The following WWOX variants were observed in gnomAD, a reference collection of about 807,000 sequenced individuals.
WWOX encodes WW domain-containing oxidoreductase.
In WWOX, 69 loss-of-function variants were observed where a neutral mutation model predicts 46.2. The ratio of observed to expected loss-of-function variants is 1.49; its 90% CI spans 1.23 to 1.82. The LOEUF is 1.82. WWOX is among the 40% of genes most tolerant of loss of function. WWOX has a pLI of 0.00. For missense variants in WWOX, 919 were observed against 542.6 expected (o/e 1.69, Z -6.89); for synonymous variants, 359 against 202.6 (o/e 1.77, Z -6.56).
chr16:78,999,468 C>A (rs1234903979), intron 8 of WWOX, among the ~76,000 whole-genome samples: 2 of 152,094 alleles, frequency 1.3e-5, no homozygotes, highest in Non-Finnish European at 2.9e-5. Flanking sequence ...GAAACTCCTT[C>A]TCAAGAAAGA....
chr16:78,162,096 A>G (rs2034813390), intron 4 of WWOX, among the ~76,000 whole-genome samples: 1 of 152,106 alleles, frequency 6.6e-6, no homozygotes, highest in South Asian at 2.1e-4. Flanking sequence ...AGCATCCTTT[A>G]GTGTTTCCTC....
intron 8 of WWOX, among the ~76,000 whole-genome samples, chr16:78,786,985 T>G (rs372054934): frequency 1.3e-3 from 196 of 152,206 alleles, no homozygotes; most frequent in African/African-American, 4.7e-3. Context: ...CTGTCTCTAC[T>G]AAAAATACAC....
rs559699518 is a variant in WWOX, at chr16:78,682,533, C to G, written c.1056+249781C>G. 4.8e-3 allele frequency among the ~76,000 whole-genome samples: 737 copies of G among 152,154 alleles called. 6 individuals are homozygous for G. The highest frequency in any genetic ancestry group is 7.2e-3 in the Non-Finnish European group (492 of 68,022). The stretch of plus-strand genomic sequence containing the variant: ...AGGAGTTGGAGGCTGCAACGACTTA[C>G]GATCATGCCATGGCACTCCAGCCTG... On this transcript the variant is annotated intron_variant, in intron 8 of 8. Transcript: ENST00000566780.
rs114868472 is a variant in WWOX, at chr16:78,156,333, C to T, written c.410-7850C>T. 3.8e-3 allele frequency among the ~76,000 whole-genome samples: 584 copies of T among 152,258 alleles called. 6 individuals are homozygous for T. The highest frequency in any genetic ancestry group is 0.013 in the African/African-American group (558 of 41,532). On this transcript the variant is annotated intron_variant, in intron 4 of 8. Coordinates refer to ENST00000566780, the MANE Select transcript of WWOX (RefSeq NM_016373.4). ...GGGAAAATAAAATTTGATAGAAAAA[C>T]GGCGTGCTTTTCCCCCACAGATTTC...
At chr16:78,239,171 A>G (rs2151816800) in intron 5 of WWOX, among the ~76,000 whole-genome samples, 1 of 152,186 alleles carries the variant, frequency 6.6e-6, no homozygotes, top group East Asian at 1.9e-4. Flanking sequence ...CAGCCTCCCC[A>G]TTCTGCATTT....
chr16:78,387,767 T>C (rs760604572), intron 6 of WWOX, among the ~76,000 whole-genome samples: 1 of 152,180 alleles, frequency 6.6e-6, no homozygotes. Flanking sequence ...ATTTCATTAA[T>C]AAATAACTTC....
chr16:78,992,267 C>T (rs1039530342), intron 8 of WWOX, among the ~76,000 whole-genome samples: 1 of 151,442 alleles, frequency 6.6e-6, no homozygotes, highest in Non-Finnish European at 1.5e-5. Flanking sequence ...CCCTTATCTG[C>T]CTGTACAGTG....
In WWOX at chr16:79,000,173, C is replaced by A. The variant is rs182128139; in HGVS notation, c.1057-211435C>A. 3.1e-3 allele frequency among the ~76,000 whole-genome samples: 474 copies of A among 152,282 alleles called. 5 individuals carry two copies. Among genetic ancestry groups the A allele is most frequent in the Non-Finnish European group, 2.0e-3 (133 of 68,024 alleles). On this transcript the variant is annotated intron_variant, in intron 8 of 8. Coordinates refer to ENST00000566780, the MANE Select transcript of WWOX (RefSeq NM_016373.4). ...AACACCATCTCCCTGCACCCCTTCACTGGGCTCCGAAGCTGCGTTCACACG... is the reference window on the plus strand; with the variant it reads ...AACACCATCTCCCTGCACCCCTTCAATGGGCTCCGAAGCTGCGTTCACACG...
chr16:78,256,506 G>A (rs951191729), intron 5 of WWOX, among the ~76,000 whole-genome samples: 2 of 151,862 alleles, frequency 1.3e-5, no homozygotes, highest in African/African-American at 4.8e-5. Context: ...CTCAGACTTG[G>A]AGGACAGAGC....
Position 78,141,591 on chromosome 16 carries a change from C to T in WWOX, c.410-22592C>T, listed in dbSNP as rs571490281. 2.6e-5 allele frequency among the ~76,000 whole-genome samples: 4 copies of T among 152,206 alleles called. No homozygotes were observed. In the South Asian group the frequency reaches 8.3e-4, roughly 32 times the overall value. ...TCATAGACACTGAATTAAGAAATCC[C>T]TACACTTTATGGGAATTGTAATCAT... is the stretch of plus-strand genomic sequence containing the variant. On this transcript the variant is annotated intron_variant, in intron 4 of 8. Transcript: ENST00000566780.
At chr16:78,767,482 C>CTGTGTGTGTGTGTGTG (rs3051061) in intron 8 of WWOX, among the ~76,000 whole-genome samples, 2 of 143,036 alleles carry the variant, frequency 1.4e-5, no homozygotes, top group East Asian at 2.0e-4. Flanking sequence ...GTGTGTGTGT[C>CTGTGTGTGTGTGTGTG]TGTGTGTGTG....
At chr16:79,188,947 A>C (rs545945947) in intron 8 of WWOX, among the ~76,000 whole-genome samples, 2 of 152,198 alleles carry the variant, frequency 1.3e-5, no homozygotes, top group Non-Finnish European at 2.9e-5. Flanking sequence ...TAAATGCTCA[A>C]TAATTATAGT....
Position 78,348,169 on chromosome 16 carries a change from C to T in WWOX, c.517-38691C>T, listed in dbSNP as rs1264771153. Among the ~76,000 whole-genome samples the T allele has an allele frequency of 2.5e-5, 3 of 122,080 alleles. 1 individual carries two copies. In the South Asian group the frequency reaches 7.3e-4, roughly 30 times the overall value. The allele number at this position is 122,080 out of a possible 152,430, so 80.1% of individuals were successfully genotyped here. The stretch of plus-strand genomic sequence containing the variant: ...AAGGTCTAGAGTCAACATGAAAATA[C>T]CTTTGCTTCTGGGCCATAGCTGTGT... On this transcript the variant is annotated intron_variant, in intron 5 of 8. Coordinates refer to ENST00000566780, the MANE Select transcript of WWOX (RefSeq NM_016373.4).
chr16:78,185,779 G>A (rs887171778), intron 5 of WWOX, among the ~76,000 whole-genome samples: 2 of 152,032 alleles, frequency 1.3e-5, no homozygotes, highest in African/African-American at 4.8e-5. Flanking sequence ...TGATTCTCCC[G>A]TCTCAGCCTC....
intron 8 of WWOX, among the ~76,000 whole-genome samples, chr16:79,135,640 A>C (rs988689672): frequency 1.3e-5 from 2 of 152,202 alleles, no homozygotes; most frequent in African/African-American, 4.8e-5. Flanking sequence ...TTTTTAACAG[A>C]TATTTCAGTA....
intron 8 of WWOX, among the ~76,000 whole-genome samples, chr16:78,556,111 C>T (rs940106898): frequency 6.6e-6 from 1 of 151,944 alleles, no homozygotes; most frequent in African/African-American, 2.4e-5. Flanking sequence ...CCTAGAGGGT[C>T]AATTAGAGAC....
At chr16:78,338,688 T>C (rs1425186325) in intron 5 of WWOX, among the ~76,000 whole-genome samples, 1 of 121,788 alleles carries the variant, frequency 8.2e-6, no homozygotes, top group Admixed American at 8.0e-5. Context: ...CAGGTTGTGC[T>C]CTGTCGTAAT....
chr16:78,665,244 CT>C (rs1288696270), intron 8 of WWOX, among the ~76,000 whole-genome samples: 2 of 152,154 alleles, frequency 1.3e-5, no homozygotes, highest in Non-Finnish European at 2.9e-5. Context: ...AATTCCGGCA[CT>C]GCCACATCTT....
At chr16:78,326,465 G>T (rs1378119490) in intron 5 of WWOX, among the ~76,000 whole-genome samples, 1 of 151,604 alleles carries the variant, frequency 6.6e-6, no homozygotes, top group Non-Finnish European at 1.5e-5. Context: ...AAAGGAAGCT[G>T]GGCCTAGTAA....
Sources: gnomAD v4.1 joint callset for allele counts (sites outside exome capture counted in the v4.1 genomes callset) on GRCh38, gnomAD v4.1.1 for gene constraint, MANE v1.5 for transcripts, NCBI Gene and HGNC (gene_info 2026-07-23, HGNC 2026-07-21) for gene names.